MARK3: variants seen among roughly 807,000 people sequenced by gnomAD.
MARK3 encodes the protein microtubule affinity regulating kinase 3.
MARK3 carries 46 observed loss-of-function variants against 90.1 expected under a neutral mutation model. The observed-to-expected ratio is 0.51, with a 90% CI of 0.40 to 0.65. The LOEUF (loss-of-function observed/expected upper bound fraction) is 0.65, where lower values mean the gene tolerates loss of function less well. MARK3 is among the 30% of genes least tolerant of loss of function. The probability of loss-of-function intolerance (pLI) is 0.00; values close to 1 mark genes in which losing one functional copy is unlikely to be tolerated. For missense variants in MARK3, 818 were observed against 947.2 expected (o/e 0.86, Z 1.79); for synonymous variants, 321 against 332.6 (o/e 0.97, Z 0.38).
chr14:103,467,674 C>CAAA (rs10525116), intron 11 of MARK3: 454 of 44,706 alleles, frequency 0.01, 62 homozygotes, highest in Middle Eastern at 0.036. Flanking sequence ...GACTCTGTCT[C>CAAA]AAAAAAAAAA....
chr14:103,478,818 C>T (rs923416828), intron 13 of MARK3, among the ~76,000 whole-genome samples: 6 of 152,132 alleles, frequency 3.9e-5, no homozygotes, highest in African/African-American at 9.7e-5. Context: ...GGATTACAGG[C>T]GTGAGCCACT....
At chr14:103,500,708 G>A (rs3783400) in intron 17 of MARK3, among the ~76,000 whole-genome samples, 43,425 of 151,322 alleles carry the variant, frequency 0.29, 7,304 homozygotes, top group Non-Finnish European at 0.36. Flanking sequence ...GGGCTTACTC[G>A]AGTTCCCAGG....
At position 103,495,449 on chromosome 14, in the gene MARK3, C is replaced by T. The variant is rs1043055260; in HGVS notation, c.1845-3053C>T. 6.9e-4 allele frequency among the ~76,000 whole-genome samples: 4 copies of T among 5,820 alleles called. No individual in the cohort carries two copies. The Non-Finnish European group carries it at 0.035, about 51-fold the overall frequency. The allele number at this position is 5,820 out of a possible 152,430, so 3.8% of individuals were successfully genotyped here. A position where few individuals can be genotyped will look rare whatever the true frequency, so the allele number is the denominator to read the frequency against. Reference sequence around the variant, plus strand: ...GAGCCAAGATCACACCATTGCACTCCAGCCTGGCGACAGATTGACACTCCA... The same window carrying T: ...GAGCCAAGATCACACCATTGCACTCTAGCCTGGCGACAGATTGACACTCCA... On this transcript the variant is annotated intron_variant, in intron 15 of 17. Coordinates refer to ENST00000429436, the MANE Select transcript of MARK3 (RefSeq NM_001128918.3).
Position 103,385,835 on chromosome 14 carries a change from G to C in MARK3, c.-195G>C, listed in dbSNP as rs890560977. On this transcript the variant is annotated 5_prime_UTR_variant, in exon 1 of 18. Transcript: ENST00000429436. Reference sequence around the variant, plus strand: ...CGCCTCGGCCGCCGAGGCAGGGAGAGAATGAGCCCCGGGACCCGCCGGGGG... The same window carrying C: ...CGCCTCGGCCGCCGAGGCAGGGAGACAATGAGCCCCGGGACCCGCCGGGGG... 1 of 494,402 alleles carries C rather than the reference G, an allele frequency of 2.0e-6. No individual in the cohort carries two copies. Among genetic ancestry groups the C allele is most frequent in the Non-Finnish European group, 3.6e-6 (1 of 280,930 alleles). 30.6% of individuals were successfully genotyped at this position (494,402 alleles called of 1,614,324 possible).
chr14:103,431,524 A>C (rs991938322), intron 3 of MARK3, among the ~76,000 whole-genome samples: 1 of 152,102 alleles, frequency 6.6e-6, no homozygotes, highest in Non-Finnish European at 1.5e-5. Context: ...CCAGCTTCTC[A>C]GGAGGCTGAG....
At chr14:103,457,438 A>T (rs1595766798) in intron 6 of MARK3, among the ~76,000 whole-genome samples, 1 of 152,330 alleles carries the variant, frequency 6.6e-6, no homozygotes, top group African/African-American at 2.4e-5. Context: ...TTAGTCTTAT[A>T]CTTAACCTTC....
At chr14:103,426,481 T>A (rs11624367) in intron 2 of MARK3, among the ~76,000 whole-genome samples, 39,143 of 151,924 alleles carry the variant, frequency 0.26, 6,249 homozygotes, top group Middle Eastern at 0.43. Context: ...TCTGGGCCTG[T>A]GTCCTGCAGG....
rs756280202 is a variant in MARK3, at chr14:103,503,004, G to A, written c.2039G>A (p.Arg680His). The change falls in exon 18 of 18, where the codon CGC becomes CAC. Residue 680 changes from arginine to histidine, a missense_variant. By Grantham distance (29) the Arg-to-His change is conservative (BLOSUM62 0). Around this residue, in one of 3 missense-constraint regions of MARK3, gnomAD observed 560 missense variants for 613.5 expected, o/e 0.91. Transcript: ENST00000429436. Reference sequence around the variant, plus strand: ...CCCGGGGACATGATGCGGGAAATCCGCAAAGTGTTGGACGCCAATAACTGC... The same window carrying A: ...CCCGGGGACATGATGCGGGAAATCCACAAAGTGTTGGACGCCAATAACTGC... ...MDPGDMMREIRKVLDANNCDY... is the reference protein window; with the variant it reads ...MDPGDMMREIHKVLDANNCDY... 5.6e-6 allele frequency: 9 copies of A among 1,614,130 alleles called. No individual in the cohort carries two copies. Among genetic ancestry groups the A allele is most frequent in the Admixed American group, 3.3e-5 (2 of 60,006 alleles).
chr14:103,464,677 A>C (rs1433051280), intron 7 of MARK3, among the ~76,000 whole-genome samples: 1 of 152,042 alleles, frequency 6.6e-6, no homozygotes, highest in Non-Finnish European at 1.5e-5. Flanking sequence ...AGCCGTTTTT[A>C]TGAAATGCCC....
At chr14:103,493,969 C>T (rs2075170309) in intron 15 of MARK3, among the ~76,000 whole-genome samples, 1 of 151,448 alleles carries the variant, frequency 6.6e-6, no homozygotes, top group East Asian at 1.9e-4. Context: ...CCGGATGGCT[C>T]ATGCCTGTAA....
At position 103,462,472 on chromosome 14, in the gene MARK3, G is replaced by A. The variant is rs934243090; in HGVS notation, c.540+11G>A. The A allele has an allele frequency of 1.9e-6, 3 of 1,594,878 alleles. No homozygotes were observed. Among genetic ancestry groups the A allele is most frequent in the Non-Finnish European group, 2.6e-6 (3 of 1,164,390 alleles). ...CATCGAGACCTCAAGGTGAGTAGAA[G>A]TGCCTCACTCAGTGTATGCTCTGTC... On this transcript the variant is annotated intron_variant, in intron 7 of 17. Transcript: ENST00000429436.
chr14:103,493,612 T>C (rs2142041645), intron 15 of MARK3, among the ~76,000 whole-genome samples: 1 of 152,232 alleles, frequency 6.6e-6, no homozygotes, highest in East Asian at 1.9e-4. Context: ...TGGTGGTTCA[T>C]GCTTGTAATC....
chr14:103,467,919 CCT>C lies in MARK3; in HGVS notation c.1111-107_1111-106del, dbSNP rs141306428. 332 of 1,020,486 alleles carry C rather than the reference CCT, an allele frequency of 3.3e-4. 1 individual carries two copies. The African/African-American group carries it at 4.9e-3, about 15-fold the overall frequency. 63.2% of individuals were successfully genotyped at this position (1,020,486 alleles called of 1,614,324 possible). A position where few individuals can be genotyped will look rare whatever the true frequency, so the allele number is the denominator to read the frequency against. On this transcript the variant is annotated intron_variant, in intron 11 of 17. Transcript: ENST00000429436. ...GTCATTTTTGTACGTTGTGATTCCTCCTCTCTCTGAATGAACGGTTTATGAGA... is the reference window on the plus strand; with the variant it reads ...GTCATTTTTGTACGTTGTGATTCCTCCTCTCTGAATGAACGGTTTATGAGA...
intron 1 of MARK3, among the ~76,000 whole-genome samples, chr14:103,394,515 C>T (rs1428084990): frequency 6.6e-6 from 1 of 152,186 alleles, no homozygotes; most frequent in East Asian, 1.9e-4. Context: ...AGCTGCTCAA[C>T]TATGGTTGGT....
intron 14 of MARK3, among the ~76,000 whole-genome samples, chr14:103,480,842 T>G (rs1235257864): frequency 2.0e-5 from 3 of 151,802 alleles, no homozygotes; most frequent in Non-Finnish European, 4.4e-5. Context: ...AAGCCGAAAG[T>G]GGGGGAAGAT....
chr14:103,401,513 G>A (rs2090964968), intron 1 of MARK3, among the ~76,000 whole-genome samples: 2 of 152,132 alleles, frequency 1.3e-5, no homozygotes, highest in Admixed American at 6.5e-5. Flanking sequence ...TGATCTCCAT[G>A]TCCAGGCCAG....
At chr14:103,448,636 T>C (rs889990586) in intron 3 of MARK3, among the ~76,000 whole-genome samples, 1 of 152,198 alleles carries the variant, frequency 6.6e-6, no homozygotes, top group Non-Finnish European at 1.5e-5. Flanking sequence ...TCTTATGTTT[T>C]CAAGATAGCA....
intron 5 of MARK3, among the ~76,000 whole-genome samples, chr14:103,453,598 A>G (rs927281829): frequency 6.6e-6 from 1 of 152,136 alleles, no homozygotes; most frequent in Non-Finnish European, 1.5e-5. Context: ...TACTTTATAT[A>G]TGTCTAGTTT....
intron 3 of MARK3, chr14:103,429,221 C>G (rs1265793586): frequency 6.6e-6 from 1 of 152,208 alleles, no homozygotes; most frequent in Non-Finnish European, 1.5e-5. Flanking sequence ...GAGGGGGGTA[C>G]AGAGACCATG....
Sources: allele counts gnomAD v4.1 joint callset (sites outside exome capture counted in the v4.1 genomes callset), GRCh38; gene constraint gnomAD v4.1.1; regional missense constraint gnomAD v4.1.1; transcripts MANE v1.5; gene names NCBI Gene and HGNC (gene_info 2026-07-23, HGNC 2026-07-21).